The following DNAJC15 variants were observed in gnomAD, a reference collection of about 807,000 sequenced individuals.
DNAJC15 encodes the protein dnaJ homolog subfamily C member 15.
In DNAJC15, 27 loss-of-function variants were observed where a neutral mutation model predicts 22.4. The ratio of observed to expected loss-of-function variants is 1.20; its 90% CI spans 0.89 to 1.66. The LOEUF is 1.66. DNAJC15 is among the 40% of genes most tolerant of loss of function. The pLI, the probability that DNAJC15 is intolerant of heterozygous loss-of-function variation, is 0.00. For missense variants in DNAJC15, 208 were observed against 187.1 expected (o/e 1.11, Z -0.65); for synonymous variants, 79 against 63.2 (o/e 1.25, Z -1.19).
At chr13:43,050,549 C>G (rs912789612) in intron 1 of DNAJC15, among the ~76,000 whole-genome samples, 2 of 151,778 alleles carry the variant, frequency 1.3e-5, no homozygotes, top group African/African-American at 2.4e-5. Flanking sequence ...CTCAGCCTCC[C>G]AAAATGAAGA....
At chr13:43,057,976 T>A (rs1217498641) in intron 1 of DNAJC15, among the ~76,000 whole-genome samples, 1 of 152,150 alleles carries the variant, frequency 6.6e-6, no homozygotes, top group Non-Finnish European at 1.5e-5. Flanking sequence ...CTCTCAGCTG[T>A]AGATACCAGC....
At chr13:43,045,798 A>G (rs1467187784) in intron 1 of DNAJC15, among the ~76,000 whole-genome samples, 1 of 152,188 alleles carries the variant, frequency 6.6e-6, no homozygotes. Context: ...CTCACCATAC[A>G]AACACATACC....
intron 3 of DNAJC15, among the ~76,000 whole-genome samples, chr13:43,071,382 A>C (rs1379797755): frequency 6.6e-6 from 1 of 152,166 alleles, no homozygotes. Context: ...AAGGTAAGAA[A>C]CTTCGCCTTC....
chr13:43,106,955 T>C (rs574401014), intron 5 of DNAJC15, among the ~76,000 whole-genome samples: 31 of 152,146 alleles, frequency 2.0e-4, no homozygotes, highest in African/African-American at 6.7e-4. Flanking sequence ...TAACTTTCTT[T>C]CATCATTTTT....
intron 2 of DNAJC15, among the ~76,000 whole-genome samples, chr13:43,066,046 A>C (rs1401029822): frequency 6.6e-6 from 1 of 152,162 alleles, no homozygotes; most frequent in African/African-American, 2.4e-5. Flanking sequence ...ATGCAATGTA[A>C]GTGGCATGGA....
intron 1 of DNAJC15, among the ~76,000 whole-genome samples, chr13:43,059,550 G>A (rs1293019735): frequency 6.6e-6 from 1 of 152,150 alleles, no homozygotes; most frequent in Non-Finnish European, 1.5e-5. Context: ...TTTTAGTAGA[G>A]CCACCACACC....
intron 3 of DNAJC15, among the ~76,000 whole-genome samples, chr13:43,075,692 T>G (rs1306268150): frequency 6.6e-6 from 1 of 152,206 alleles, no homozygotes; most frequent in African/African-American, 2.4e-5. Context: ...TGAGACAGTC[T>G]GTCTCCATTG....
At position 43,098,396 on chromosome 13, in the gene DNAJC15, A is replaced by G. The variant is rs187713957; in HGVS notation, c.383-8782A>G. On this transcript the variant is annotated intron_variant, in intron 5 of 5. Transcript: ENST00000379221. ...ATTTGATTGAAAACTACTAGAGAGC[A>G]ACTTATTAGGGATGTCATAGAAGGA... Among the ~76,000 whole-genome samples the G allele has an allele frequency of 2.6e-5, 4 of 152,332 alleles. No individual in the cohort carries two copies. The East Asian group carries it at 7.7e-4, about 29-fold the overall frequency.
At chr13:43,047,881 C>T (rs1027317333) in intron 1 of DNAJC15, among the ~76,000 whole-genome samples, 2 of 152,128 alleles carry the variant, frequency 1.3e-5, no homozygotes, top group African/African-American at 4.8e-5. Context: ...ACAGAGTAGG[C>T]TTGAAGGGCC....
chr13:43,069,249 T>C (rs1004494485), intron 3 of DNAJC15, among the ~76,000 whole-genome samples: 2 of 152,246 alleles, frequency 1.3e-5, no homozygotes, highest in African/African-American at 4.8e-5. Flanking sequence ...TTAGTAGTAT[T>C]ACATCAAATT....
At chr13:43,039,537 G>A (rs930025433) in intron 1 of DNAJC15, among the ~76,000 whole-genome samples, 1 of 152,094 alleles carries the variant, frequency 6.6e-6, no homozygotes, top group Non-Finnish European at 1.5e-5. Flanking sequence ...ACCAAGGGAA[G>A]GCTAATTTGA....
chr13:43,091,866 G>A (rs1363858583), intron 5 of DNAJC15, among the ~76,000 whole-genome samples: 2 of 151,894 alleles, frequency 1.3e-5, no homozygotes, highest in Non-Finnish European at 2.9e-5. Context: ...AGTATTGATT[G>A]CTAGCTTAAT....
intron 4 of DNAJC15, among the ~76,000 whole-genome samples, chr13:43,085,360 T>A (rs770032760): frequency 8.5e-6 from 1 of 117,760 alleles, no homozygotes; most frequent in African/African-American, 3.6e-5. Context: ...GACTCCTCCT[T>A]CTTGGGGGGT....
intron 1 of DNAJC15, among the ~76,000 whole-genome samples, chr13:43,037,253 G>A (rs1299179430): frequency 6.6e-6 from 1 of 152,184 alleles, no homozygotes; most frequent in Non-Finnish European, 1.5e-5. Flanking sequence ...GAAGAAATAA[G>A]CAAAACTACA....
At chr13:43,071,473 A>G (rs1339008196) in intron 3 of DNAJC15, among the ~76,000 whole-genome samples, 3 of 152,232 alleles carry the variant, frequency 2.0e-5, no homozygotes, top group Non-Finnish European at 2.9e-5. Flanking sequence ...TATCATTGTC[A>G]TAATCATAAT....
chr13:43,024,006 A>G (rs2040365858), intron 1 of DNAJC15, among the ~76,000 whole-genome samples: 1 of 152,232 alleles, frequency 6.6e-6, no homozygotes, highest in African/African-American at 2.4e-5. Flanking sequence ...CAAATACAGT[A>G]AAATAAGTGC....
chr13:43,035,481 TA>T (rs1472775566), intron 1 of DNAJC15, among the ~76,000 whole-genome samples: 1 of 152,034 alleles, frequency 6.6e-6, no homozygotes, highest in African/African-American at 2.4e-5. Context: ...ACTGAAAAAA[TA>T]GTTTTTGTAT....
chr13:43,056,642 T>C (rs1306726388), intron 1 of DNAJC15, among the ~76,000 whole-genome samples: 1 of 152,212 alleles, frequency 6.6e-6, no homozygotes, highest in South Asian at 2.1e-4. Flanking sequence ...CCCACTGTTA[T>C]TGTGTTGCCA....
chr13:43,103,740 C>G (rs2040782299), intron 5 of DNAJC15, among the ~76,000 whole-genome samples: 1 of 152,196 alleles, frequency 6.6e-6, no homozygotes, highest in South Asian at 2.1e-4. Context: ...GAAGAGGCAT[C>G]ACTCACTAAA....
Sources: gnomAD v4.1 joint callset for allele counts (sites outside exome capture counted in the v4.1 genomes callset) on GRCh38, gnomAD v4.1.1 for gene constraint, MANE v1.5 for transcripts, NCBI Gene and HGNC (gene_info 2026-07-23, HGNC 2026-07-21) for gene names.